DLGAP2: variants seen among roughly 807,000 people sequenced by gnomAD.
DLGAP2 encodes the protein DLG associated protein 2.
In DLGAP2, 26 loss-of-function variants were observed where a neutral mutation model predicts 100.3. The observed-to-expected ratio is 0.26, with a 90% confidence interval of 0.19 to 0.36. The LOEUF (loss-of-function observed/expected upper bound fraction) is 0.36. Among genes scored for constraint, DLGAP2 ranks in the 10% least tolerant of loss-of-function variants. DLGAP2 has a pLI of 1.00. For synonymous variants in DLGAP2, 886 were observed against 630.1 expected (o/e 1.41, Z -6.08); for missense variants, 1,858 against 1,453.2 (o/e 1.28, Z -4.53).
At chr8:900,443 C>A (rs183659979) in intron 1 of DLGAP2, among the ~76,000 whole-genome samples, 57 of 152,360 alleles carry the variant, frequency 3.7e-4, no homozygotes, top group African/African-American at 1.3e-3. Context: ...CATCCTCTCA[C>A]TCCTGGTGTT....
intron 1 of DLGAP2, among the ~76,000 whole-genome samples, chr8:827,252 G>A (rs1334055436): frequency 2.6e-5 from 4 of 152,220 alleles, no homozygotes; most frequent in African/African-American, 4.8e-5. Flanking sequence ...ATCTCCTGGA[G>A]TGTGAATAAG....
At chr8:1,313,452 C>T (rs967473432) in intron 3 of DLGAP2, among the ~76,000 whole-genome samples, 4 of 152,136 alleles carry the variant, frequency 2.6e-5, no homozygotes, top group Non-Finnish European at 5.9e-5. Context: ...TATAATCTCC[C>T]CTATACTCCC....
chr8:788,538 C>T (rs547309001), intron 1 of DLGAP2, among the ~76,000 whole-genome samples: 3 of 152,194 alleles, frequency 2.0e-5, no homozygotes, highest in African/African-American at 7.2e-5. Flanking sequence ...ATATTTTACC[C>T]TTAGATAAGA....
intron 6 of DLGAP2, among the ~76,000 whole-genome samples, chr8:1,626,369 A>C (rs1276369308): frequency 3.5e-5 from 4 of 115,792 alleles, no homozygotes; most frequent in African/African-American, 1.5e-4. Flanking sequence ...GCAGGTGCTC[A>C]GCCTCTGGGT....
intron 3 of DLGAP2, among the ~76,000 whole-genome samples, chr8:1,336,597 G>C (rs1353404958): frequency 3.9e-5 from 6 of 152,168 alleles, no homozygotes; most frequent in Non-Finnish European, 5.9e-5. Flanking sequence ...CTAGTCACAG[G>C]GGCCTGGACA....
chr8:1,305,286 G>T (rs192147495), intron 3 of DLGAP2, among the ~76,000 whole-genome samples: 2 of 152,198 alleles, frequency 1.3e-5, no homozygotes, highest in South Asian at 4.2e-4. Flanking sequence ...CTGGTCTTCC[G>T]CAGTTCTCTG....
chr8:1,641,379 T>C (rs919307693), intron 8 of DLGAP2, among the ~76,000 whole-genome samples: 1 of 152,180 alleles, frequency 6.6e-6, no homozygotes, highest in Non-Finnish European at 1.5e-5. Context: ...TGTGTCCTTC[T>C]CTTATAAAAT....
intron 7 of DLGAP2, among the ~76,000 whole-genome samples, chr8:1,630,681 G>A (rs1402302280): frequency 4.6e-5 from 7 of 150,954 alleles, no homozygotes; most frequent in East Asian, 1.9e-4. Context: ...CAGCCTGGGC[G>A]ACAGAGCGAG....
At chr8:1,373,104 C>A (rs1404266349) in intron 3 of DLGAP2, among the ~76,000 whole-genome samples, 1 of 152,216 alleles carries the variant, frequency 6.6e-6, no homozygotes, top group Non-Finnish European at 1.5e-5. Context: ...CCGAGACCTC[C>A]GTGCCTGGGG....
intron 3 of DLGAP2, among the ~76,000 whole-genome samples, chr8:1,315,313 A>C (rs144998750): frequency 3.7e-3 from 543 of 148,556 alleles, no homozygotes; most frequent in African/African-American, 0.012. Flanking sequence ...CGTCTCTCCA[A>C]CATTGGTCTA....
intron 2 of DLGAP2, among the ~76,000 whole-genome samples, chr8:1,018,006 C>G (rs1377730689): frequency 6.6e-6 from 1 of 152,178 alleles, no homozygotes; most frequent in Non-Finnish European, 1.5e-5. Context: ...TATTCCCACC[C>G]CATCCCTTTG....
rs374829725 is a variant in DLGAP2, at chr8:883,683, G to A, written c.19-24229G>A. On this transcript the variant is annotated intron_variant, in intron 1 of 14. Coordinates refer to ENST00000637795, the MANE Select transcript of DLGAP2 (RefSeq NM_001346810.2). Reference sequence around the variant, plus strand: ...TACGTAGGTGCGCGTGTGCCGCGGCGGTTCGTTACGTAGGTGCGCGTGTGC... The same window carrying A: ...TACGTAGGTGCGCGTGTGCCGCGGCAGTTCGTTACGTAGGTGCGCGTGTGC... 1.3e-4 allele frequency among the ~76,000 whole-genome samples: 19 copies of A among 151,748 alleles called. No homozygotes were observed. In the East Asian group the frequency reaches 2.6e-3, roughly 21 times the overall value.
At chr8:1,589,798 T>C (rs982456656) in intron 6 of DLGAP2, among the ~76,000 whole-genome samples, 1 of 152,164 alleles carries the variant, frequency 6.6e-6, no homozygotes, top group African/African-American at 2.4e-5. Flanking sequence ...GGGGAATCCC[T>C]TGCCTTGATG....
intron 1 of DLGAP2, among the ~76,000 whole-genome samples, chr8:890,633 C>G (rs760964799): frequency 6.6e-6 from 1 of 152,154 alleles, no homozygotes; most frequent in Non-Finnish European, 1.5e-5. Context: ...CCAGGAGCCT[C>G]ACAGTGGGGA....
intron 6 of DLGAP2, among the ~76,000 whole-genome samples, chr8:1,583,340 G>C (rs536923873): frequency 6.6e-6 from 1 of 152,292 alleles, no homozygotes; most frequent in South Asian, 2.1e-4. Context: ...GACGGGCTCA[G>C]ATATTCCTCT....
At chr8:1,542,933 T>C (rs1801411607) in intron 4 of DLGAP2, among the ~76,000 whole-genome samples, 1 of 152,206 alleles carries the variant, frequency 6.6e-6, no homozygotes, top group Non-Finnish European at 1.5e-5. Context: ...TACCGCACTG[T>C]GGTTTTGATT....
chr8:1,096,016 A>T (rs1162815996), intron 2 of DLGAP2, among the ~76,000 whole-genome samples: 1 of 152,254 alleles, frequency 6.6e-6, no homozygotes, highest in Non-Finnish European at 1.5e-5. Flanking sequence ...CAAGATCTAC[A>T]TGCTAAATGA....
intron 6 of DLGAP2, among the ~76,000 whole-genome samples, chr8:1,594,079 CCTT>C (rs1229685677): frequency 6.6e-6 from 1 of 152,202 alleles, no homozygotes; most frequent in Non-Finnish European, 1.5e-5. Context: ...ACCACAGCTA[CCTT>C]CTTCTCTCTG....
intron 3 of DLGAP2, among the ~76,000 whole-genome samples, chr8:1,314,018 G>A (rs974262367): frequency 1.3e-5 from 2 of 152,178 alleles, no homozygotes; most frequent in Non-Finnish European, 2.9e-5. Context: ...TACGAAACAC[G>A]TGTTTATTTG....
Sources: gnomAD v4.1 joint callset for allele counts (sites outside exome capture counted in the v4.1 genomes callset) on GRCh38, gnomAD v4.1.1 for gene constraint, MANE v1.5 for transcripts, NCBI Gene and HGNC (gene_info 2026-07-23, HGNC 2026-07-21) for gene names.